SCN11A: variants seen among roughly 807,000 people sequenced by gnomAD.
The protein encoded by SCN11A is sodium channel protein type 11 subunit alpha.
SCN11A carries 122 observed loss-of-function variants against 162.2 expected under a neutral mutation model. That is an observed-to-expected ratio of 0.75 (90% CI 0.65 to 0.87). The LOEUF is 0.87. Ranked by LOEUF, SCN11A falls within the 40% of genes least tolerant of loss-of-function variation. The probability of loss-of-function intolerance (pLI) is 0.00; values close to 1 mark genes in which losing one functional copy is unlikely to be tolerated. For missense variants in SCN11A, 2,015 were observed against 2,181.6 expected (o/e 0.92, Z 1.52); for synonymous variants, 758 against 751.5 (o/e 1.01, Z -0.14).
intron 7 of SCN11A, among the ~76,000 whole-genome samples, chr3:38,934,536 T>G: frequency 6.6e-6 from 1 of 151,994 alleles, no homozygotes; most frequent in Admixed American, 6.5e-5. Context: ...GAGGAAGATC[T>G]ACCAAGCAAA....
At chr3:38,854,520 A>G (rs927668437) in intron 28 of SCN11A, among the ~76,000 whole-genome samples, 1 of 152,182 alleles carries the variant, frequency 6.6e-6, no homozygotes, top group Admixed American at 6.6e-5. Flanking sequence ...GGATGGACAG[A>G]ACAGTGTGTG....
chr3:39,048,591 A>G (rs1308733395), intron 1 of SCN11A, among the ~76,000 whole-genome samples: 2 of 152,212 alleles, frequency 1.3e-5, no homozygotes, highest in African/African-American at 4.8e-5. Flanking sequence ...CCCCATATAT[A>G]TGTACAATTA....
At chr3:38,986,608 C>A (rs2030254987) in intron 2 of SCN11A, among the ~76,000 whole-genome samples, 9 of 152,160 alleles carry the variant, frequency 5.9e-5, no homozygotes, top group Admixed American at 5.9e-4. Flanking sequence ...CTCTCCCTCC[C>A]TCCTTCTCTC....
At chr3:38,866,862 C>T (rs1020532959) in intron 27 of SCN11A, among the ~76,000 whole-genome samples, 2 of 152,120 alleles carry the variant, frequency 1.3e-5, no homozygotes, top group African/African-American at 2.4e-5. Context: ...ATCTTCTTTC[C>T]GAGTAGGGTG....
chr3:39,005,826 A>T (rs1183205976), intron 2 of SCN11A, among the ~76,000 whole-genome samples: 2 of 152,158 alleles, frequency 1.3e-5, no homozygotes, highest in Admixed American at 6.5e-5. Context: ...TTTTCCCCTC[A>T]TTCTGCTTCC....
At chr3:38,915,106 A>AT (rs1232307488) in intron 11 of SCN11A, among the ~76,000 whole-genome samples, 1 of 151,724 alleles carries the variant, frequency 6.6e-6, no homozygotes, top group Admixed American at 6.6e-5. Context: ...TGGTCTCAGG[A>AT]TTTTTTTGGT....
chr3:38,949,058 T>G (rs988374226), intron 5 of SCN11A, among the ~76,000 whole-genome samples: 5 of 152,250 alleles, frequency 3.3e-5, no homozygotes, highest in African/African-American at 7.2e-5. Context: ...TTGAAGTACA[T>G]GCAAATCAGG....
In SCN11A at chr3:38,945,467, C is replaced by T; in HGVS notation, c.432G>A (p.Val144=). Residue 144 remains valine (V), a synonymous_variant, in exon 7 of 30, where the codon GTG becomes GTA. Transcript: ENST00000302328. ...TTTTAGCAGGCCCTGTAGCCATGAA[C>T]ACGCAGTTGATGATAACGGTGCCGA... The part of the protein sequence containing the change: ...FIIGTVIINC[V]FMATGPAKNS... The T allele has an allele frequency of 6.3e-7, 1 of 1,599,470 alleles. No homozygotes were observed. The highest frequency in any genetic ancestry group is 8.5e-7 in the Non-Finnish European group (1 of 1,169,942).
rs534219652 is a variant in SCN11A, at chr3:38,847,444, G to C, written c.4626C>G (p.Leu1542=). The C allele has an allele frequency of 2.5e-6, 4 of 1,614,228 alleles. No individual in the cohort carries two copies. The African/African-American group carries it at 5.3e-5, about 22-fold the overall frequency. The change falls in exon 30 of 30, where the codon CTC becomes CTG. Residue 1542 remains leucine, a synonymous_variant. Coordinates refer to ENST00000302328, the MANE Select transcript of SCN11A (RefSeq NM_001349253.2). ...FNFKTFASSM[L]CLFQISTSAG... is the part of the protein sequence containing the mutation. ...CTGATGTGCTTATCTGGAAGAGACA[G>C]AGCATGCTGCTGGCAAAAGTCTTGA...
At chr3:38,968,060 A>G (rs1402609182) in intron 2 of SCN11A, among the ~76,000 whole-genome samples, 1 of 152,228 alleles carries the variant, frequency 6.6e-6, no homozygotes, top group Admixed American at 6.5e-5. Flanking sequence ...TCAAGGGGAG[A>G]GAAGCTTCTG....
chr3:38,959,254 T>G (rs1294617093), intron 3 of SCN11A, among the ~76,000 whole-genome samples: 3 of 152,256 alleles, frequency 2.0e-5, no homozygotes. Context: ...ATCCCCATTT[T>G]GCAGAAGACA....
chr3:39,005,323 G>A (rs1382477783), intron 2 of SCN11A, among the ~76,000 whole-genome samples: 3 of 152,256 alleles, frequency 2.0e-5, no homozygotes, highest in Admixed American at 6.5e-5. Context: ...ATATGAGAGG[G>A]TCTCTCTCTT....
chr3:38,944,739 TC>T (rs1332581047), intron 7 of SCN11A, among the ~76,000 whole-genome samples: 1 of 151,200 alleles, frequency 6.6e-6, no homozygotes, highest in East Asian at 2.0e-4. Flanking sequence ...GGTGGGCAGA[TC>T]ACCTGAGGTC....
chr3:38,885,477 A>G, intron 20 of SCN11A, 75 bp from the exon 21 acceptor site: 2 of 815,636 alleles, frequency 2.5e-6, no homozygotes, highest in Non-Finnish European at 4.1e-6. Flanking sequence ...GGAGTTTCTC[A>G]TTGTCTGATT....
chr3:38,986,467 A>T (rs1425968724), intron 2 of SCN11A, among the ~76,000 whole-genome samples: 1 of 152,210 alleles, frequency 6.6e-6, no homozygotes, highest in East Asian at 1.9e-4. Context: ...TGCCTTACAT[A>T]CTGAGTGGCC....
chr3:38,990,604 C>G (rs78835321), intron 2 of SCN11A, among the ~76,000 whole-genome samples: 1,935 of 152,228 alleles, frequency 0.013, 22 homozygotes, highest in Non-Finnish European at 0.019. Flanking sequence ...AGTGCTGGGC[C>G]TTTGAGAACA....
chr3:38,921,971 T>C lies in SCN11A; in HGVS notation c.713-716A>G, dbSNP rs181242513. Among the ~76,000 whole-genome samples, 85 of 152,306 alleles carry C rather than the reference T, an allele frequency of 5.6e-4. 1 individual carries two copies. Among genetic ancestry groups the C allele is most frequent in the Admixed American group, 2.1e-3 (32 of 15,300 alleles). On this transcript the variant is annotated intron_variant, in intron 9 of 29. Transcript: ENST00000302328. ...TGATCTATAGCATTTACAGGTTTCC[T>C]TGTTTTCTGAATTCTGTGGTATAGA...
chr3:38,883,154 C>G, intron 22 of SCN11A, 79 bp downstream of exon 22: 2 of 1,304,594 alleles, frequency 1.5e-6, no homozygotes, highest in Non-Finnish European at 2.1e-6. Context: ...TATTCACAGT[C>G]CCACGAGAAG....
chr3:38,960,031 T>G (rs559192177), intron 3 of SCN11A, among the ~76,000 whole-genome samples: 1 of 152,242 alleles, frequency 6.6e-6, no homozygotes, highest in South Asian at 2.1e-4. Context: ...AAGCGCCTAT[T>G]AGGCCAGCTG....
Sources: gnomAD v4.1 joint callset for allele counts (sites outside exome capture counted in the v4.1 genomes callset) on GRCh38, gnomAD v4.1.1 for gene constraint, MANE v1.5 for transcripts, NCBI Gene and HGNC (gene_info 2026-07-23, HGNC 2026-07-21) for gene names.